Variants in BCAS3 observed in about 807,000 individuals in gnomAD.
BCAS3 encodes BCAS3 microtubule associated cell migration factor, also known as BCAS4/BCAS3 fusion.
BCAS3 carries 53 observed loss-of-function variants against 116.1 expected under a neutral mutation model. The ratio of observed to expected loss-of-function variants is 0.46; its 90% CI spans 0.37 to 0.57. The LOEUF is 0.57. BCAS3 is among the 20% of genes least tolerant of loss of function. The pLI is 0.00. For missense variants in BCAS3, 917 were observed against 1,165.4 expected (o/e 0.79, Z 3.10); for synonymous variants, 391 against 408.2 (o/e 0.96, Z 0.51).
At chr17:60,859,840 A>G (rs992720345) in intron 7 of BCAS3, among the ~76,000 whole-genome samples, 3 of 152,108 alleles carry the variant, frequency 2.0e-5, no homozygotes, top group Admixed American at 2.0e-4. Flanking sequence ...AAGTGCTAGA[A>G]TTACAAGCAT....
At chr17:60,686,170 T>C (rs1226626683) in intron 3 of BCAS3, among the ~76,000 whole-genome samples, 1 of 152,088 alleles carries the variant, frequency 6.6e-6, no homozygotes, top group African/African-American at 2.4e-5. Context: ...ACCCGGCCTA[T>C]GTTAGACATT....
chr17:61,075,546 T>G (rs2071896299), intron 20 of BCAS3, among the ~76,000 whole-genome samples: 1 of 152,100 alleles, frequency 6.6e-6, no homozygotes, highest in Non-Finnish European at 1.5e-5. Flanking sequence ...AACTCCTGAC[T>G]TCAAGCAATC....
At chr17:61,331,608 C>T (rs752007650) in intron 22 of BCAS3, among the ~76,000 whole-genome samples, 14 of 152,174 alleles carry the variant, frequency 9.2e-5, no homozygotes, top group Non-Finnish European at 1.8e-4. Flanking sequence ...CCCTGGACAA[C>T]AGGGTGAGAC....
intron 22 of BCAS3, among the ~76,000 whole-genome samples, chr17:61,297,073 A>G (rs2052985659): frequency 1.3e-5 from 2 of 152,200 alleles, no homozygotes; most frequent in Admixed American, 6.5e-5. Flanking sequence ...GGTACCAATT[A>G]TTTATCGAAG....
chr17:61,290,843 T>C (rs547002697), intron 22 of BCAS3, among the ~76,000 whole-genome samples: 2 of 152,206 alleles, frequency 1.3e-5, no homozygotes, highest in African/African-American at 2.4e-5. Flanking sequence ...TGCAGTGGCG[T>C]GATCTCGGCT....
rs2064873338 is a variant in BCAS3, at chr17:61,008,460, G to T, written c.1487-7291G>T. 6.6e-6 allele frequency among the ~76,000 whole-genome samples: 1 copy of T among 152,010 alleles called. No individual in the cohort carries two copies. The highest frequency in any genetic ancestry group is 1.5e-5 in the Non-Finnish European group (1 of 67,964). On this transcript the variant is annotated intron_variant, in intron 15 of 23. Transcript: ENST00000407086. The surrounding 1 kb of genome is among the most constrained non-coding windows in gnomAD (Gnocchi z 4.6). ...TAATGTTAAATTGGATGGCAAGCAA[G>T]AACTAAGCAGTGTTTTTAACTTTTC... is the stretch of plus-strand genomic sequence containing the variant.
At chr17:61,340,164 A>G (rs1231544411) in intron 22 of BCAS3, among the ~76,000 whole-genome samples, 1 of 151,962 alleles carries the variant, frequency 6.6e-6, no homozygotes, top group Non-Finnish European at 1.5e-5. Context: ...GGAAAGAGAG[A>G]AATGGGGGCG....
At chr17:60,840,294 A>G (rs1372790764) in intron 7 of BCAS3, among the ~76,000 whole-genome samples, 1 of 152,094 alleles carries the variant, frequency 6.6e-6, no homozygotes, top group Non-Finnish European at 1.5e-5. Context: ...CTACTATACC[A>G]TTTTCAGGAG....
intron 19 of BCAS3, among the ~76,000 whole-genome samples, chr17:61,052,249 C>T (rs1434083265): frequency 2.0e-5 from 3 of 151,854 alleles, no homozygotes; most frequent in Non-Finnish European, 4.4e-5. Flanking sequence ...TTCTTATTTT[C>T]CTCTCTGGTT....
intron 22 of BCAS3, among the ~76,000 whole-genome samples, chr17:61,142,895 T>G (rs886367756): frequency 1.3e-5 from 2 of 152,230 alleles, no homozygotes; most frequent in African/African-American, 4.8e-5. Flanking sequence ...TTGAAAGTAC[T>G]GTTTCCATGA....
chr17:61,136,505 C>T lies in BCAS3; in HGVS notation c.2425+51941C>T, dbSNP rs1429221123. 1.3e-5 allele frequency among the ~76,000 whole-genome samples: 2 copies of T among 152,184 alleles called. No homozygotes were observed. The highest frequency in any genetic ancestry group is 4.8e-5 in the African/African-American group (2 of 41,444). The stretch of plus-strand genomic sequence containing the variant: ...TCTACCCGTTAGATAGCAGCACGCC[C>T]CCTTCCCTCAGATGCCTCCAAATAT... On this transcript the variant is annotated intron_variant, in intron 22 of 23. Transcript: ENST00000407086. The surrounding 1 kb of genome is among the most constrained non-coding windows in gnomAD (Gnocchi z 4.4).
chr17:60,682,526 CGTT>C (rs996662053), intron 2 of BCAS3, among the ~76,000 whole-genome samples: 4 of 151,908 alleles, frequency 2.6e-5, no homozygotes, highest in South Asian at 4.2e-4. Flanking sequence ...TTGATTTTTT[CGTT>C]GTTGTTTTTT....
At chr17:60,878,204 T>G (rs1392458119) in intron 9 of BCAS3, among the ~76,000 whole-genome samples, 2 of 152,042 alleles carry the variant, frequency 1.3e-5, no homozygotes, top group Non-Finnish European at 2.9e-5. Flanking sequence ...GAGATGGGGT[T>G]TTACCATGTT....
Position 61,343,786 on chromosome 17 carries a change from C to A in BCAS3, c.2426-24541C>A, listed in dbSNP as rs9894372. Among the ~76,000 whole-genome samples the A allele has an allele frequency of 0.77, 117,359 of 152,192 alleles. 45,732 individuals carry two copies. Among genetic ancestry groups the A allele is most frequent in the South Asian group, 0.9 (4,358 of 4,828 alleles). On this transcript the variant is annotated intron_variant, in intron 22 of 23. Transcript: ENST00000407086. This position sits in a 1 kb window ranked among gnomAD's most constrained non-coding sequence, Gnocchi z 5.5. ...GCTTAATTCCTCTAAAAACAGTGCC[C>A]GTTGGGCATTTTGCCTGGAGAGAGA...
chr17:61,134,378 G>A lies in BCAS3; in HGVS notation c.2425+49814G>A, dbSNP rs2076505671. 3.3e-5 allele frequency among the ~76,000 whole-genome samples: 5 copies of A among 152,084 alleles called. No homozygotes were observed. The highest frequency in any genetic ancestry group is 1.3e-4 in the Admixed American group (2 of 15,272). On this transcript the variant is annotated intron_variant, in intron 22 of 23. Transcript: ENST00000407086. This position sits in a 1 kb window ranked among gnomAD's most constrained non-coding sequence, Gnocchi z 4.6. ...GAAATTGAGGTCTTGTGAAAGTAAC[G>A]TGCCTGGATTGACACAGTAAGCTGG...
intron 15 of BCAS3, among the ~76,000 whole-genome samples, chr17:61,005,722 T>C (rs1416586913): frequency 6.6e-6 from 1 of 151,960 alleles, no homozygotes; most frequent in Non-Finnish European, 1.5e-5. Flanking sequence ...ATCATTTTGA[T>C]TTTTAGGAAA....
At chr17:60,711,086 G>A (rs1446430988) in intron 5 of BCAS3, among the ~76,000 whole-genome samples, 1 of 151,806 alleles carries the variant, frequency 6.6e-6, no homozygotes, top group Non-Finnish European at 1.5e-5. Flanking sequence ...ACAGGCATGA[G>A]CCACTGTGCC....
At chr17:61,146,592 A>G (rs1336339862) in intron 22 of BCAS3, among the ~76,000 whole-genome samples, 1 of 152,158 alleles carries the variant, frequency 6.6e-6, no homozygotes, top group African/African-American at 2.4e-5. Context: ...TCAAAATGGA[A>G]CTAAAATTAA....
At chr17:60,803,091 C>T (rs1313184105) in intron 6 of BCAS3, among the ~76,000 whole-genome samples, 1 of 152,176 alleles carries the variant, frequency 6.6e-6, no homozygotes, top group Admixed American at 6.5e-5. Flanking sequence ...GTCCTGGAAG[C>T]CCCATGGGAA....
Sources: allele counts gnomAD v4.1 joint callset (sites outside exome capture counted in the v4.1 genomes callset), GRCh38; gene constraint gnomAD v4.1.1; non-coding constraint Gnocchi (gnomAD v3.1); transcripts MANE v1.5; gene names NCBI Gene and HGNC (gene_info 2026-07-23, HGNC 2026-07-21).